CEP192: variants seen among roughly 807,000 people sequenced by gnomAD.
CEP192 encodes the protein centrosomal protein 192.
A neutral mutation model predicts 271.8 loss-of-function variants in CEP192; 151 were observed. The ratio of observed to expected loss-of-function variants is 0.56; its 90% CI spans 0.49 to 0.64. The LOEUF is 0.64. CEP192 is among the 30% of genes least tolerant of loss of function. The pLI, the probability that CEP192 is intolerant of heterozygous loss-of-function variation, is 0.00. For synonymous variants in CEP192, 995 were observed against 1,076.5 expected, an observed-to-expected ratio of 0.92 and a Z score of 1.48; for missense variants, 2,910 against 3,020.5, an observed-to-expected ratio of 0.96 and a Z score of 0.86.
In CEP192 at chr18:13,095,612, G is replaced by C. The variant is rs1203630844; in HGVS notation, c.6364G>C (p.Asp2122His). 1.2e-6 allele frequency: 2 copies of C among 1,614,194 alleles called. No individual in the cohort carries two copies. The highest frequency in any genetic ancestry group is 3.3e-5 in the Admixed American group (2 of 60,034). ...LLSRAARPPL[D>H]QLASEEPWTV... ...CTCACGGGCGGCTCGCCCGCCTCTG[G>C]ATCAGCTGGCCTCCGAAGAGCCGTG... Residue 2122 changes from aspartate to histidine, a missense_variant, in exon 35 of 45, where the codon GAT (aspartate) becomes CAT (histidine). Coordinates refer to ENST00000506447, the MANE Select transcript of CEP192 (RefSeq NM_032142.4).
intron 3 of CEP192, among the ~76,000 whole-genome samples, chr18:13,004,299 C>CTT (rs59209178): frequency 1.9e-4 from 28 of 147,730 alleles, no homozygotes; most frequent in Admixed American, 1.1e-3. Context: ...AGAAGTTTCA[C>CTT]TTTTTTTTTT....
At chr18:13,114,772 C>T (rs1048575413) in intron 42 of CEP192, among the ~76,000 whole-genome samples, 6 of 152,074 alleles carry the variant, frequency 3.9e-5, no homozygotes, top group Admixed American at 2.6e-4. Context: ...CCCACAATTG[C>T]GAGGTCACAT....
At chr18:13,024,189 T>G (rs575158305) in intron 9 of CEP192, 1 of 379,988 alleles carries the variant, frequency 2.6e-6, no homozygotes, top group East Asian at 7.5e-5. Flanking sequence ...GTATACACGT[T>G]AAGGATGGTT....
chr18:13,048,744 G>A, intron 15 of CEP192, 115 bp from the exon 16 acceptor site: 2 of 679,422 alleles, frequency 2.9e-6, no homozygotes, highest in South Asian at 2.0e-5. Flanking sequence ...ACTATCTGAG[G>A]TTTCAGGTAT....
rs372027998 is a variant in CEP192, at chr18:13,073,121, G to A, written c.5552G>A (p.Cys1851Tyr). The A allele has an allele frequency of 4.3e-6, 7 of 1,613,658 alleles. No homozygotes were observed. The highest frequency in any genetic ancestry group is 3.3e-5 in the South Asian group (3 of 90,976). Residue 1851 changes from cysteine (C) to tyrosine (Y), a missense_variant, in exon 30 of 45, where the codon TGC becomes TAC. Physicochemically the swap from Cys to Tyr is radical, Grantham distance 194 (BLOSUM62 -2). Transcript: ENST00000506447. ...TTATTTGCACCTACTCGATTATCTT[G>A]CATGTTGGCTAGACTAGAAATCAAA... is the stretch of plus-strand genomic sequence containing the variant. The part of the protein sequence containing the change: ...SVLFAPTRLS[C>Y]MLARLEIKQL...
chr18:13,043,446 GTC>G (rs912981981), intron 15 of CEP192, among the ~76,000 whole-genome samples: 8 of 152,160 alleles, frequency 5.3e-5, no homozygotes, highest in Admixed American at 3.9e-4. Flanking sequence ...TATTTCTAGA[GTC>G]TCTCTTGTGC....
chr18:12,996,177 AGTG>A (rs1312542876), intron 1 of CEP192, among the ~76,000 whole-genome samples: 3 of 129,298 alleles, frequency 2.3e-5, no homozygotes, highest in Non-Finnish European at 4.8e-5. Context: ...CCAGGCAGGA[AGTG>A]GTGGTGGCCT....
intron 6 of CEP192, 49 bp from the exon 7 acceptor site, chr18:13,017,139 T>C (rs904278232): frequency 1.4e-6 from 2 of 1,410,210 alleles, no homozygotes; most frequent in East Asian, 5.0e-5. Flanking sequence ...AATTATTGCT[T>C]AGTCACTACT....
intron 44 of CEP192, among the ~76,000 whole-genome samples, chr18:13,122,382 A>G (rs2040706580): frequency 6.6e-6 from 1 of 152,168 alleles, no homozygotes. Flanking sequence ...AGATCGTGCC[A>G]CTGCACTCCA....
At chr18:13,000,753 G>A (rs930065895) in intron 2 of CEP192, among the ~76,000 whole-genome samples, 1 of 152,238 alleles carries the variant, frequency 6.6e-6, no homozygotes, top group Non-Finnish European at 1.5e-5. Flanking sequence ...TCAGGAGTTC[G>A]AGACCAGCCT....
In CEP192 at chr18:13,100,386, C is replaced by A. The variant is rs746353874; in HGVS notation, c.6745C>A (p.Leu2249Ile). Residue 2249 changes from leucine (L) to isoleucine (I), a missense_variant, in exon 38 of 45, where the codon CTT (leucine) becomes ATT (isoleucine). By Grantham distance (5) the Leu-to-Ile change is conservative (BLOSUM62 2). Transcript: ENST00000506447. ...TTTGACCTCCAAACCATTTGGAATTCTTTCCCCAGTATCTGAGCCTTCAGT... is the reference window on the plus strand; with the variant it reads ...TTTGACCTCCAAACCATTTGGAATTATTTCCCCAGTATCTGAGCCTTCAGT... ...TRLTSKPFGI[L>I]SPVSEPSVSH... The A allele has an allele frequency of 1.2e-6, 2 of 1,614,036 alleles. No homozygotes were observed. The highest frequency in any genetic ancestry group is 1.1e-5 in the South Asian group (1 of 91,078).
chr18:13,010,307 T>C (rs1480932490), intron 4 of CEP192, among the ~76,000 whole-genome samples: 1 of 152,242 alleles, frequency 6.6e-6, no homozygotes, highest in Non-Finnish European at 1.5e-5. Flanking sequence ...TGTGGTATTC[T>C]GTAACTCCAA....
chr18:13,093,198 T>C (rs2144763604), intron 34 of CEP192, among the ~76,000 whole-genome samples: 1 of 152,176 alleles, frequency 6.6e-6, no homozygotes, highest in East Asian at 1.9e-4. Context: ...TGCATAGCCA[T>C]GGAAAACTCA....
chr18:13,025,064 AC>A (rs1649828320), intron 9 of CEP192, among the ~76,000 whole-genome samples: 1 of 152,058 alleles, frequency 6.6e-6, no homozygotes. Context: ...GACCCACTGC[AC>A]CCAGCCAGTT....
chr18:12,993,532 C>T (rs543308072), intron 1 of CEP192, among the ~76,000 whole-genome samples: 149 of 152,312 alleles, frequency 9.8e-4, no homozygotes, highest in African/African-American at 3.4e-3. Flanking sequence ...ATTGCAGTGG[C>T]TATTCACATG....
intron 36 of CEP192, among the ~76,000 whole-genome samples, 152 bp from the exon 37 acceptor site, chr18:13,099,313 TTGTGGGAGCCA>T (rs1468562929): frequency 2.6e-5 from 4 of 152,126 alleles, no homozygotes; most frequent in South Asian, 2.1e-4. Context: ...CGGGATGAAC[TTGTGGGAGCCA>T]TGTGGGAGCC....
At position 13,056,351 on chromosome 18, in the gene CEP192, C is replaced by G. The variant is rs1297120375; in HGVS notation, c.3761C>G (p.Pro1254Arg). The change falls in exon 19 of 45, where the codon CCC (proline) becomes CGC (arginine). Residue 1254 changes from proline to arginine, a missense_variant. Coordinates refer to ENST00000506447, the MANE Select transcript of CEP192 (RefSeq NM_032142.4). ...GCTGTGCACGCACTCTTGACACAACCCTCTCTCAGCGCTGCTCCTTTTGCT... is the reference window on the plus strand; with the variant it reads ...GCTGTGCACGCACTCTTGACACAACGCTCTCTCAGCGCTGCTCCTTTTGCT... ...PAAVHALLTQ[P>R]SLSAAPFAQR... is the part of the protein sequence containing the mutation. 8 of 1,614,218 alleles carry G rather than the reference C, an allele frequency of 5.0e-6. No homozygotes were observed. Among genetic ancestry groups the G allele is most frequent in the South Asian group, 1.1e-5 (1 of 91,082 alleles).
At chr18:13,079,614 T>G (rs558122891) in intron 30 of CEP192, among the ~76,000 whole-genome samples, 6 of 152,246 alleles carry the variant, frequency 3.9e-5, no homozygotes, top group Admixed American at 2.0e-4. Flanking sequence ...GTAACTTCTT[T>G]CGCTGTGCAG....
At position 13,113,569 on chromosome 18, in the gene CEP192, C is replaced by G; in HGVS notation, c.7048-17C>G. ...AATGATCAGTGTCTAAATTTCTCTT[C>G]TGTATGTATTTCGTAGGTCTCCATC... On this transcript the variant is annotated splice_polypyrimidine_tract_variant and intron_variant, in intron 40 of 44. Transcript: ENST00000506447. 6.2e-7 allele frequency: 1 copy of G among 1,611,520 alleles called. No individual in the cohort carries two copies. Among genetic ancestry groups the G allele is most frequent in the Non-Finnish European group, 8.5e-7 (1 of 1,178,438 alleles).
Sources: allele counts gnomAD v4.1 joint callset (sites outside exome capture counted in the v4.1 genomes callset), GRCh38; gene constraint gnomAD v4.1.1; transcripts MANE v1.5; gene names NCBI Gene and HGNC (gene_info 2026-07-23, HGNC 2026-07-21).